MDH2: variants seen among roughly 807,000 people sequenced by gnomAD.
The protein encoded by MDH2 is malate dehydrogenase, mitochondrial.
In MDH2, 25 loss-of-function variants were observed where a neutral mutation model predicts 33.6. The observed-to-expected ratio is 0.74, with a 90% CI of 0.54 to 1.04. MDH2 has a LOEUF of 1.04. MDH2 is among the 50% of genes least tolerant of loss of function. The probability of loss-of-function intolerance (pLI) is 0.00; values close to 1 mark genes in which losing one functional copy is unlikely to be tolerated. For missense variants in MDH2, 432 were observed against 445.0 expected (o/e 0.97, Z 0.26); for synonymous variants, 193 against 188.7 (o/e 1.02, Z -0.19).
chr7:76,058,185 A>T, intron 4 of MDH2, 107 bp downstream of exon 4: 1 of 1,025,534 alleles, frequency 9.8e-7, no homozygotes, highest in South Asian at 1.5e-5. Context: ...TGCTGGGGGG[A>T]TGGGGGGATA....
intron 1 of MDH2, among the ~76,000 whole-genome samples, chr7:76,053,770 C>T (rs1200992568): frequency 6.6e-6 from 1 of 152,148 alleles, no homozygotes; most frequent in African/African-American, 2.4e-5. Context: ...TGCCAGGGAT[C>T]GGCTGTGCTT....
chr7:76,053,114 G>A (rs1797671635), intron 1 of MDH2, among the ~76,000 whole-genome samples: 1 of 152,206 alleles, frequency 6.6e-6, no homozygotes, highest in Non-Finnish European at 1.5e-5. Flanking sequence ...GGAGGAGCGG[G>A]TTGGGAGGGT....
chr7:76,053,967 G>A (rs1218903789), intron 1 of MDH2, among the ~76,000 whole-genome samples: 1 of 152,206 alleles, frequency 6.6e-6, no homozygotes, highest in Non-Finnish European at 1.5e-5. Flanking sequence ...AGGGCCAGCT[G>A]CTACTTTGCT....
intron 1 of MDH2, chr7:76,054,561 G>C (rs1554585917): frequency 4.5e-6 from 2 of 440,604 alleles, no homozygotes; most frequent in Non-Finnish European, 8.1e-6. Flanking sequence ...CTGCCTGATG[G>C]AGTCCAGCTT....
intron 2 of MDH2, among the ~76,000 whole-genome samples, chr7:76,056,468 T>C (rs1554586296): frequency 2.6e-5 from 4 of 152,126 alleles, no homozygotes; most frequent in African/African-American, 9.7e-5. Flanking sequence ...CCTGGCAAAT[T>C]TTATGTTCGT....
At position 76,063,540 on chromosome 7, in the gene MDH2, T is replaced by C. The variant is rs1554587299; in HGVS notation, c.581T>C (p.Val194Ala). ...GGTTTGGATCCAGCTCGAGTCAACGTCCCTGTCATTGGTGGCCATGCTGGG... is the reference window on the plus strand; with the variant it reads ...GGTTTGGATCCAGCTCGAGTCAACGCCCCTGTCATTGGTGGCCATGCTGGG... ...LKGLDPARVNVPVIGGHAGKT... is the reference protein window; with the variant it reads ...LKGLDPARVNAPVIGGHAGKT... The change falls in exon 6 of 9, where the codon GTC becomes GCC. Residue 194 changes from valine (V) to alanine (A), a missense_variant. By Grantham distance (64) the Val-to-Ala change is moderately conservative. Transcript: ENST00000315758. 1.2e-6 allele frequency: 2 copies of C among 1,614,226 alleles called. No individual in the cohort carries two copies. The highest frequency in any genetic ancestry group is 3.3e-5 in the Admixed American group (2 of 60,028).
intron 2 of MDH2, among the ~76,000 whole-genome samples, chr7:76,056,347 T>A (rs1377842285): frequency 6.6e-6 from 1 of 152,244 alleles, no homozygotes; most frequent in Non-Finnish European, 1.5e-5. Flanking sequence ...AGTTCCAAAT[T>A]GCTGTCCAGA....
rs372512594 is a variant in MDH2 at position 76,060,527 on chromosome 7, G to A, written c.555+29G>A. On this transcript the variant is annotated intron_variant, in intron 5 of 8. Transcript: ENST00000315758. Reference sequence around the variant, plus strand: ...AGGGCGGCGTGGGTGTTGCTCAGGTGACCTTTCTGAACTTCTCCCGCCACC... The same window carrying A: ...AGGGCGGCGTGGGTGTTGCTCAGGTAACCTTTCTGAACTTCTCCCGCCACC... The A allele has an allele frequency of 4.3e-6, 7 of 1,611,344 alleles. No individual in the cohort carries two copies. In the African/African-American group the frequency reaches 9.3e-5, roughly 22 times the overall value.
intron 1 of MDH2, 164 bp downstream of exon 1, chr7:76,048,390 C>T: frequency 8.4e-7 from 1 of 1,183,800 alleles, no homozygotes; most frequent in Non-Finnish European, 1.1e-6. Flanking sequence ...TGACACTGGC[C>T]TGGAGGTGCG....
rs1304361439 is a variant in MDH2 at position 76,066,750 on chromosome 7, T to G, written c.*340T>G. 1 of 178,346 alleles carries G rather than the reference T, an allele frequency of 5.6e-6. No homozygotes were observed. Among genetic ancestry groups the G allele is most frequent in the Non-Finnish European group, 1.2e-5 (1 of 84,608 alleles). The allele number at this position is 178,346 out of a possible 1,614,324, so 11.0% of individuals were successfully genotyped here. On this transcript the variant is annotated 3_prime_UTR_variant, in exon 9 of 9. Coordinates refer to ENST00000315758, the MANE Select transcript of MDH2 (RefSeq NM_005918.4). Reference sequence around the variant, plus strand: ...AGTAGCTTCAAGAAAGTCTAAATTGTTAATTTATGGAATTGGACACAGTAT... The same window carrying G: ...AGTAGCTTCAAGAAAGTCTAAATTGGTAATTTATGGAATTGGACACAGTAT...
intron 4 of MDH2, among the ~76,000 whole-genome samples, chr7:76,059,277 T>A (rs1554586680): frequency 6.6e-6 from 1 of 152,186 alleles, no homozygotes; most frequent in East Asian, 1.9e-4. Flanking sequence ...ATTTCTGAAA[T>A]CTTCCGTGTA....
rs568736651 is a variant in MDH2, at chr7:76,050,323, C to A, written c.66+2097C>A. ...GGGATTACAGGCGTGAGCCACCACTCCCAGCCGAGGGTAGCAGTTTTACAT... is the reference window on the plus strand; with the variant it reads ...GGGATTACAGGCGTGAGCCACCACTACCAGCCGAGGGTAGCAGTTTTACAT... On this transcript the variant is annotated intron_variant, in intron 1 of 8. Transcript: ENST00000315758. 3.5e-4 allele frequency among the ~76,000 whole-genome samples: 53 copies of A among 152,382 alleles called. No homozygotes were observed. The South Asian group carries it at 8.1e-3, about 23-fold the overall frequency.
At chr7:76,059,126 TAG>T (rs376045486) in intron 4 of MDH2, among the ~76,000 whole-genome samples, 13 of 152,292 alleles carry the variant, frequency 8.5e-5, no homozygotes, top group African/African-American at 3.1e-4. Flanking sequence ...GTACTTTTAG[TAG>T]AGACAGGATT....
intron 5 of MDH2, among the ~76,000 whole-genome samples, chr7:76,061,071 G>A (rs1797933330): frequency 6.6e-6 from 1 of 152,172 alleles, no homozygotes; most frequent in Admixed American, 6.5e-5. Flanking sequence ...GCTGCTGGGT[G>A]TGGCTTGAGC....
intron 5 of MDH2, among the ~76,000 whole-genome samples, chr7:76,062,451 G>A (rs1299883602): frequency 4.6e-5 from 7 of 152,156 alleles, no homozygotes; most frequent in Non-Finnish European, 8.8e-5. Context: ...TTTGGCTCCC[G>A]GCTCCATGAA....
At chr7:76,049,209 C>T (rs782740372) in intron 1 of MDH2, among the ~76,000 whole-genome samples, 1 of 152,116 alleles carries the variant, frequency 6.6e-6, no homozygotes, top group Non-Finnish European at 1.5e-5. Flanking sequence ...CCATACCCAT[C>T]GCAAGTTGGT....
At chr7:76,057,258 G>A in intron 2 of MDH2, 152 bp from the exon 3 acceptor site, 1 of 688,864 alleles carries the variant, frequency 1.5e-6, no homozygotes, top group South Asian at 2.0e-5. Context: ...TCAGCTCGCA[G>A]GGCAGTAGTC....
chr7:76,059,249 A>G (rs972634607), intron 4 of MDH2, among the ~76,000 whole-genome samples: 2 of 152,220 alleles, frequency 1.3e-5, no homozygotes, highest in African/African-American at 4.8e-5. Context: ...CAGCCAGTTT[A>G]AAACCCATGA....
At position 76,060,221 on chromosome 7, in the gene MDH2, CA is replaced by C. The variant is rs1490901434; in HGVS notation, c.430-151del. On this transcript the variant is annotated intron_variant, in intron 4 of 8. Transcript: ENST00000315758. ...CTGTCCTTTCTGGCAGGTGGCTTGC[CA>C]GTACAGAGTTATCAGACAGGGCAGT... The C allele has an allele frequency of 7.0e-6, 7 of 1,001,586 alleles. No homozygotes were observed. The African/African-American group carries it at 9.9e-5, about 14-fold the overall frequency. The allele number at this position is 1,001,586 out of a possible 1,614,324, so 62.0% of individuals were successfully genotyped here.
Sources: allele counts gnomAD v4.1 joint callset (sites outside exome capture counted in the v4.1 genomes callset), GRCh38; gene constraint gnomAD v4.1.1; transcripts MANE v1.5; gene names NCBI Gene and HGNC (gene_info 2026-07-23, HGNC 2026-07-21).